The following COBL variants were observed in gnomAD, a reference collection of about 807,000 sequenced individuals.
The protein encoded by COBL is cordon-bleu WH2 repeat protein, also known as protein cordon-bleu.
COBL carries 51 observed loss-of-function variants against 98.8 expected under a neutral mutation model. That is an observed-to-expected ratio of 0.52 (90% CI 0.41 to 0.65). The LOEUF is 0.65. Among genes scored for constraint, COBL ranks in the 30% least tolerant of loss-of-function variants. The pLI is 0.00. For synonymous variants in COBL, 634 were observed against 651.7 expected, an observed-to-expected ratio of 0.97 and a Z score of 0.41; for missense variants, 1,617 against 1,617.5, an observed-to-expected ratio of 1.00 and a Z score of 0.01.
chr7:51,047,721 C>A (rs558013611), intron 7 of COBL, among the ~76,000 whole-genome samples: 2 of 152,278 alleles, frequency 1.3e-5, no homozygotes, highest in Admixed American at 1.3e-4. Context: ...CCTGTGGGTC[C>A]CACGGCCACT....
chr7:51,201,773 A>G (rs996391267), intron 2 of COBL, among the ~76,000 whole-genome samples: 1 of 152,216 alleles, frequency 6.6e-6, no homozygotes, highest in Non-Finnish European at 1.5e-5. Context: ...TTCCAGCCAT[A>G]ATGGAATGAC....
Position 51,195,257 on chromosome 7 carries a change from A to G in COBL, c.246-1668T>C, listed in dbSNP as rs550522319. ...ATGGCTAGCCAGTTCTCCCAGCACCATTTATTGAATAGGGAGTTATTTCCC... is the reference window on the plus strand; with the variant it reads ...ATGGCTAGCCAGTTCTCCCAGCACCGTTTATTGAATAGGGAGTTATTTCCC... On this transcript the variant is annotated intron_variant, in intron 2 of 12. Transcript: ENST00000265136. Among the ~76,000 whole-genome samples the G allele has an allele frequency of 2.0e-5, 3 of 152,306 alleles. No homozygotes were observed. In the East Asian group the frequency reaches 5.8e-4, roughly 29 times the overall value.
intron 8 of COBL, among the ~76,000 whole-genome samples, chr7:51,037,580 G>T (rs1006194139): frequency 6.6e-6 from 1 of 152,202 alleles, no homozygotes; most frequent in African/African-American, 2.4e-5. Context: ...CCTTCCCTGA[G>T]GGCCATGCCC....
intron 5 of COBL, among the ~76,000 whole-genome samples, chr7:51,167,607 C>T (rs1584032125): frequency 1.3e-5 from 2 of 151,844 alleles, no homozygotes; most frequent in South Asian, 2.1e-4. Context: ...TATAAAAGAG[C>T]GAGAATAGTC....
intron 1 of COBL, among the ~76,000 whole-genome samples, chr7:51,223,444 C>G (rs562922473): frequency 2.0e-4 from 30 of 152,330 alleles, no homozygotes; most frequent in African/African-American, 7.0e-4. Flanking sequence ...GACCACTGGA[C>G]CTGTTGGCTC....
intron 7 of COBL, among the ~76,000 whole-genome samples, chr7:51,066,503 G>A (rs1381564895): frequency 1.3e-5 from 2 of 152,156 alleles, no homozygotes; most frequent in Admixed American, 1.3e-4. Context: ...TCAAGTCCTG[G>A]CTTAAATATT....
chr7:51,172,486 G>A (rs183402470), intron 5 of COBL: 3 of 1,288,268 alleles, frequency 2.3e-6, no homozygotes. Context: ...CAGCCCTGGA[G>A]GTGTCCTCAT....
chr7:51,208,991 T>C (rs1230746123), intron 2 of COBL, among the ~76,000 whole-genome samples: 1 of 147,834 alleles, frequency 6.8e-6, no homozygotes, highest in African/African-American at 2.5e-5. Context: ...CCTCCACTAT[T>C]GTCCTATGAC....
At chr7:51,195,398 A>T (rs764639854) in intron 2 of COBL, among the ~76,000 whole-genome samples, 10 of 152,192 alleles carry the variant, frequency 6.6e-5, no homozygotes, top group Non-Finnish European at 1.0e-4. Context: ...TATAAATAGC[A>T]TGCTGTTTGG....
In COBL at chr7:51,207,691, C is replaced by T. The variant is rs543450571; in HGVS notation, c.245+12050G>A. 1.7e-4 allele frequency among the ~76,000 whole-genome samples: 26 copies of T among 152,374 alleles called. No individual in the cohort carries two copies. In the South Asian group the frequency reaches 2.5e-3, roughly 15 times the overall value. On this transcript the variant is annotated intron_variant, in intron 2 of 12. Coordinates refer to ENST00000265136, the MANE Select transcript of COBL (RefSeq NM_015198.5). Reference sequence around the variant, plus strand: ...GAGTGATCCGCCAGCCTCGGCCTCCCGAGGTGCCGGGATTGCAGACGGAGT... The same window carrying T: ...GAGTGATCCGCCAGCCTCGGCCTCCTGAGGTGCCGGGATTGCAGACGGAGT...
chr7:51,041,836 TAC>T (rs1182509336), intron 8 of COBL, among the ~76,000 whole-genome samples: 2 of 152,182 alleles, frequency 1.3e-5, no homozygotes, highest in Non-Finnish European at 2.9e-5. Flanking sequence ...GATGAGTTCT[TAC>T]ACTTATCTAA....
At position 51,075,907 on chromosome 7, in the gene COBL, G is replaced by A. The variant is rs1328728625; in HGVS notation, c.1096+9259C>T. On this transcript the variant is annotated intron_variant, in intron 7 of 12. Transcript: ENST00000265136. Reference sequence around the variant, plus strand: ...AGTAACAGGTTAAAAGTTCAGTTCCGTTTTTTTCTAATGTACTTTTGAGTA... The same window carrying A: ...AGTAACAGGTTAAAAGTTCAGTTCCATTTTTTTCTAATGTACTTTTGAGTA... Among the ~76,000 whole-genome samples, 9 of 152,092 alleles carry A rather than the reference G, an allele frequency of 5.9e-5. No individual in the cohort carries two copies. The South Asian group carries it at 6.2e-4, about 11-fold the overall frequency.
chr7:51,030,772 T>C (rs371945637), intron 9 of COBL, 40 bp downstream of exon 9: 28 of 1,312,218 alleles, frequency 2.1e-5, no homozygotes, highest in Admixed American at 5.3e-5. Flanking sequence ...CCTACTTTCA[T>C]GCAGCATAAT....
rs746769073 is a variant in COBL, at chr7:51,027,957, C to T, written c.3139G>A (p.Gly1047Ser). The T allele has an allele frequency of 1.6e-5, 25 of 1,610,892 alleles. No individual in the cohort carries two copies. The highest frequency in any genetic ancestry group is 1.6e-4 in the Middle Eastern group (1 of 6,068). The change falls in exon 10 of 13, where the codon GGC becomes AGC. Residue 1047 changes from glycine (G) to serine (S), a missense_variant. Gly to Ser is a moderately conservative substitution (Grantham distance 56, BLOSUM62 0). Around this residue, in one of 3 missense-constraint regions of COBL, gnomAD observed 1,304 missense variants for 1,282.0 expected, o/e 1.02. Transcript: ENST00000265136. ...CCTCCTGGAGGGTGGGAAGGCTCGC[C>T]GTGGCCTGGGGCGCGCACAGAGCCA... The part of the protein sequence containing the change: ...VNGSVRAPGH[G>S]EPSHPPGGSG...
At chr7:51,247,681 G>A (rs1796370550) in intron 1 of COBL, among the ~76,000 whole-genome samples, 1 of 152,142 alleles carries the variant, frequency 6.6e-6, no homozygotes, top group Admixed American at 6.5e-5. Context: ...GTGATCTTTA[G>A]AAGGTCTGCA....
At chr7:51,249,859 T>TGA (rs1403578855) in intron 1 of COBL, among the ~76,000 whole-genome samples, 1 of 152,160 alleles carries the variant, frequency 6.6e-6, no homozygotes. Context: ...CCCAGCACTT[T>TGA]GAGAGGTTGA....
intron 1 of COBL, among the ~76,000 whole-genome samples, chr7:51,301,814 T>C (rs1563144667): frequency 6.6e-6 from 1 of 152,228 alleles, no homozygotes; most frequent in Non-Finnish European, 1.5e-5. Flanking sequence ...TGGGTCCCAC[T>C]GTGCTGGGAA....
intron 6 of COBL, among the ~76,000 whole-genome samples, chr7:51,109,231 GT>G (rs144468948): frequency 0.11 from 16,627 of 152,072 alleles, 1,012 homozygotes; most frequent in South Asian, 0.2. Context: ...TTCATCTCTG[GT>G]TTTCATCCAT....
chr7:51,144,492 G>A (rs967764940), intron 5 of COBL, among the ~76,000 whole-genome samples: 3 of 152,212 alleles, frequency 2.0e-5, no homozygotes, highest in African/African-American at 7.2e-5. Context: ...CCCGGAGCCA[G>A]ATCAAGCATT....
Sources: allele counts gnomAD v4.1 joint callset (sites outside exome capture counted in the v4.1 genomes callset), GRCh38; gene constraint gnomAD v4.1.1; regional missense constraint gnomAD v4.1.1; transcripts MANE v1.5; gene names NCBI Gene and HGNC (gene_info 2026-07-23, HGNC 2026-07-21).